Variants in FAF1 observed in about 807,000 individuals in gnomAD.
FAF1 encodes the protein Fas associated factor 1.
FAF1 carries 25 observed loss-of-function variants against 92.5 expected under a neutral mutation model. That is an observed-to-expected ratio of 0.27 (90% CI 0.20 to 0.38). FAF1 has a LOEUF of 0.38. Ranked by LOEUF, FAF1 falls within the 10% of genes least tolerant of loss-of-function variation. The pLI is 1.00. For missense variants in FAF1, 636 were observed against 793.3 expected (o/e 0.80, Z 2.38); for synonymous variants, 234 against 273.2 (o/e 0.86, Z 1.42).
intron 15 of FAF1, among the ~76,000 whole-genome samples, chr1:50,506,977 G>A (rs1647066834): frequency 6.6e-6 from 1 of 152,124 alleles, no homozygotes; most frequent in Admixed American, 6.6e-5. Context: ...AAAGACGGCT[G>A]GAAGAAATGA....
chr1:50,925,025 A>T (rs767625107), intron 1 of FAF1, among the ~76,000 whole-genome samples: 8 of 152,214 alleles, frequency 5.3e-5, no homozygotes, highest in Non-Finnish European at 1.2e-4. Context: ...GACCAACAGA[A>T]CAGAGAACCT....
chr1:50,692,986 T>C (rs1657007228), intron 7 of FAF1, among the ~76,000 whole-genome samples: 1 of 152,212 alleles, frequency 6.6e-6, no homozygotes, highest in Non-Finnish European at 1.5e-5. Flanking sequence ...CAATATACAA[T>C]TTGGAAATAT....
At chr1:50,699,222 G>C (rs1464466375) in intron 7 of FAF1, among the ~76,000 whole-genome samples, 1 of 152,022 alleles carries the variant, frequency 6.6e-6, no homozygotes, top group Admixed American at 6.6e-5. Context: ...TTGATTCCTT[G>C]TATCCTAACC....
chr1:50,811,026 G>A (rs972097223), intron 2 of FAF1, among the ~76,000 whole-genome samples: 1 of 152,096 alleles, frequency 6.6e-6, no homozygotes, highest in African/African-American at 2.4e-5. Flanking sequence ...CTGGGTGACA[G>A]AGTGAGACTC....
chr1:50,810,152 G>A (rs1294858218), intron 2 of FAF1, among the ~76,000 whole-genome samples: 1 of 152,292 alleles, frequency 6.6e-6, no homozygotes, highest in East Asian at 1.9e-4. Context: ...CTACTTGGGA[G>A]GCTGATGCAG....
intron 15 of FAF1, among the ~76,000 whole-genome samples, chr1:50,525,377 A>G (rs1363008269): frequency 6.6e-6 from 1 of 152,226 alleles, no homozygotes; most frequent in African/African-American, 2.4e-5. Flanking sequence ...GCTAGTGTAC[A>G]GAGATACAAT....
chr1:50,842,804 T>C (rs1352226485), intron 2 of FAF1, among the ~76,000 whole-genome samples: 1 of 152,174 alleles, frequency 6.6e-6, no homozygotes, highest in Non-Finnish European at 1.5e-5. Context: ...TCTATTATTC[T>C]ATTTGGTTTT....
intron 1 of FAF1, among the ~76,000 whole-genome samples, chr1:50,875,955 T>C (rs1481025907): frequency 6.6e-6 from 1 of 152,192 alleles, no homozygotes. Context: ...TTTAATTTCG[T>C]ATGTGTGTTT....
intron 4 of FAF1, among the ~76,000 whole-genome samples, chr1:50,771,629 A>T (rs1454557142): frequency 6.6e-6 from 1 of 152,200 alleles, no homozygotes; most frequent in Non-Finnish European, 1.5e-5. Context: ...GGCCCAGCAC[A>T]CTGGCTCACA....
chr1:50,450,056 G>A (rs1044862782), intron 18 of FAF1, among the ~76,000 whole-genome samples: 2 of 151,510 alleles, frequency 1.3e-5, no homozygotes, highest in Non-Finnish European at 2.9e-5. Flanking sequence ...TTAGCTGGGC[G>A]TGGTGGTGCA....
chr1:50,595,202 G>T (rs1371275107), intron 9 of FAF1, among the ~76,000 whole-genome samples: 2 of 151,798 alleles, frequency 1.3e-5, no homozygotes, highest in African/African-American at 4.8e-5. Context: ...TTAAAGGAAT[G>T]CGCCACCACA....
chr1:50,866,919 C>T (rs754379945), intron 1 of FAF1, among the ~76,000 whole-genome samples: 1 of 152,068 alleles, frequency 6.6e-6, no homozygotes, highest in Non-Finnish European at 1.5e-5. Flanking sequence ...GGAGGCATAA[C>T]ATTACCCAAC....
intron 7 of FAF1, among the ~76,000 whole-genome samples, chr1:50,666,193 C>A (rs903988796): frequency 6.6e-6 from 1 of 151,580 alleles, no homozygotes; most frequent in Non-Finnish European, 1.5e-5. Flanking sequence ...GGATTACAGG[C>A]ATAAGCAACC....
chr1:50,802,380 G>A (rs970136013), intron 2 of FAF1, among the ~76,000 whole-genome samples: 13 of 152,120 alleles, frequency 8.5e-5, no homozygotes, highest in Non-Finnish European at 1.9e-4. Flanking sequence ...ATGAGCCACC[G>A]CGCCCGGCCA....
chr1:50,575,154 C>T (rs56207132), intron 12 of FAF1, among the ~76,000 whole-genome samples: 15,945 of 152,004 alleles, frequency 0.1, 1,109 homozygotes, highest in Non-Finnish European at 0.16. Context: ...GTGATCCACC[C>T]GCCTCGGCCT....
chr1:50,667,720 A>G (rs1456922607), intron 7 of FAF1, among the ~76,000 whole-genome samples: 3 of 152,238 alleles, frequency 2.0e-5, no homozygotes, highest in Non-Finnish European at 4.4e-5. Flanking sequence ...GGTCAGAACA[A>G]TAATGCGGAT....
chr1:50,532,255 A>T (rs1464181996), intron 15 of FAF1, among the ~76,000 whole-genome samples: 3 of 152,190 alleles, frequency 2.0e-5, no homozygotes, highest in African/African-American at 7.2e-5. Context: ...TTTTCCTGTA[A>T]CCCTCATATT....
chr1:50,957,987 A>C (rs1018912901), intron 1 of FAF1, among the ~76,000 whole-genome samples: 2 of 152,158 alleles, frequency 1.3e-5, no homozygotes, highest in African/African-American at 4.8e-5. Context: ...AACAAAACAA[A>C]AAGACGATGA....
rs1338855581 is a variant in FAF1 at position 50,729,053 on chromosome 1, TA to T, written c.551+9809del. 9.9e-3 allele frequency among the ~76,000 whole-genome samples: 983 copies of T among 99,560 alleles called. 15 individuals are homozygous for T. Among genetic ancestry groups the T allele is most frequent in the African/African-American group, 0.034 (844 of 24,582 alleles). 65.3% of individuals were successfully genotyped at this position (99,560 alleles called of 152,430 possible). On this transcript the variant is annotated intron_variant, in intron 6 of 18. Transcript: ENST00000396153. ...ATCTATCTATATATATATATATATA[TA>T]TATATTTTTTTTTTTTTTGAGGCAG...
Sources: allele counts gnomAD v4.1 joint callset (sites outside exome capture counted in the v4.1 genomes callset), GRCh38; gene constraint gnomAD v4.1.1; transcripts MANE v1.5; gene names NCBI Gene and HGNC (gene_info 2026-07-23, HGNC 2026-07-21).